Variants in TUBA1C observed in about 807,000 individuals in gnomAD.
TUBA1C encodes the protein tubulin alpha-1C chain.
Under a neutral mutation model 34.9 loss-of-function variants are expected in TUBA1C, and 16 were observed. That is an observed-to-expected ratio of 0.46 (90% CI 0.31 to 0.70). The LOEUF (loss-of-function observed/expected upper bound fraction) is 0.70. Ranked by LOEUF, TUBA1C falls within the 30% of genes least tolerant of loss-of-function variation. The pLI, the probability that TUBA1C is intolerant of heterozygous loss-of-function variation, is 0.05. For synonymous variants in TUBA1C, 177 were observed against 215.9 expected (o/e 0.82, Z 1.58); for missense variants, 329 against 587.3 (o/e 0.56, Z 4.55).
chr12:49,272,101 T>G, intron 3 of TUBA1C, 152 bp from the exon 4 acceptor site: 1 of 1,365,926 alleles, frequency 7.3e-7, no homozygotes. Context: ...AAGTGTTGAT[T>G]ACAGGCGTGA....
In TUBA1C at chr12:49,273,953, G is replaced by A. The variant is rs148363171; in HGVS notation, c.*726G>A. 1.7e-3 allele frequency: 266 copies of A among 153,752 alleles called. No homozygotes were observed. The highest frequency in any genetic ancestry group is 0.014 in the Middle Eastern group (4 of 296). The allele number at this position is 153,752 out of a possible 1,614,324, so 9.5% of individuals were successfully genotyped here. A position where few individuals can be genotyped will look rare whatever the true frequency, so the allele number is the denominator to read the frequency against. ...AAAACAAAAATTTGCATGCTGTGAT[G>A]GCACCTGCCTATAGGTGGGAGGACC... On this transcript the variant is annotated 3_prime_UTR_variant, in exon 4 of 4. Transcript: ENST00000301072.
chr12:49,228,944 G>A (rs56906480), intron 1 of TUBA1C, among the ~76,000 whole-genome samples: 12,104 of 152,254 alleles, frequency 0.079, 553 homozygotes, highest in African/African-American at 0.12. Flanking sequence ...GAGAAAGGCA[G>A]TCGGGCCTTG....
Position 49,273,534 on chromosome 12 carries a change from G to A in TUBA1C, c.*307G>A. 2.3e-6 allele frequency: 1 copy of A among 427,116 alleles called. No homozygotes were observed. The allele number at this position is 427,116 out of a possible 1,614,324, so 26.5% of individuals were successfully genotyped here. A position where few individuals can be genotyped will look rare whatever the true frequency, so the allele number is the denominator to read the frequency against. Reference sequence around the variant, plus strand: ...CCTCCTAAGTAGCTGGGGACTGCAGGTGCACACCACCATGCCCAGCTATTT... The same window carrying A: ...CCTCCTAAGTAGCTGGGGACTGCAGATGCACACCACCATGCCCAGCTATTT... On this transcript the variant is annotated 3_prime_UTR_variant, in exon 4 of 4. Coordinates refer to ENST00000301072, the MANE Select transcript of TUBA1C (RefSeq NM_032704.5).
chr12:49,228,785 A>C (rs1942465086), intron 1 of TUBA1C, among the ~76,000 whole-genome samples: 2 of 152,202 alleles, frequency 1.3e-5, no homozygotes, highest in Non-Finnish European at 2.9e-5. Context: ...CACAATCTGC[A>C]ATTTACAAGT....
At position 49,265,167 on chromosome 12, in the gene TUBA1C, C is replaced by T. The variant is rs372155310; in HGVS notation, c.-15C>T. 1.2e-6 allele frequency: 2 copies of T among 1,603,756 alleles called. No individual in the cohort carries two copies. The highest frequency in any genetic ancestry group is 1.7e-6 in the Non-Finnish European group (2 of 1,173,066). ...TCGCCTCCTTCACCGCCGCAGACCC[C>T]TTCAAGTTCTAGTCATGGTGAGTGG... On this transcript the variant is annotated 5_prime_UTR_variant, in exon 1 of 4. Coordinates refer to ENST00000301072, the MANE Select transcript of TUBA1C (RefSeq NM_032704.5).
intron 1 of TUBA1C, among the ~76,000 whole-genome samples, chr12:49,240,900 A>G (rs1271234863): frequency 6.6e-6 from 1 of 151,250 alleles, no homozygotes; most frequent in Non-Finnish European, 1.5e-5. Flanking sequence ...CCAGCCCATC[A>G]TAGCTCTTTT....
At position 49,265,093 on chromosome 12, in the gene TUBA1C, C is replaced by T. The variant is rs953786929; in HGVS notation, c.-89C>T. On this transcript the variant is annotated 5_prime_UTR_variant, in exon 1 of 4. Coordinates refer to ENST00000301072, the MANE Select transcript of TUBA1C (RefSeq NM_032704.5). ...CCGGCCACCCTTTCACTACTTCTCC[C>T]CCGGACTCCTTGGTAGTCTGTTAGT... is the stretch of plus-strand genomic sequence containing the variant. The T allele has an allele frequency of 4.7e-6, 7 of 1,493,172 alleles. No individual in the cohort carries two copies. Among genetic ancestry groups the T allele is most frequent in the Admixed American group, 1.9e-5 (1 of 52,608 alleles). 92.5% of individuals were successfully genotyped at this position (1,493,172 alleles called of 1,614,324 possible).
intron 1 of TUBA1C, among the ~76,000 whole-genome samples, chr12:49,268,766 G>A (rs189654338): frequency 1.9e-3 from 284 of 152,286 alleles, no homozygotes; most frequent in Non-Finnish European, 3.3e-3. Context: ...GCTGGTTTAA[G>A]CTGGTTTTAA....
chr12:49,228,098 C>T lies in TUBA1C; in HGVS notation c.145C>T (p.Gln49Ter). Residue 49 changes from glutamine to a stop codon, truncating the protein, a stop_gained, in exon 1 of 4, where the codon CAG (glutamine) becomes TAG (stop). Coordinates refer to the TUBA1C transcript ENST00000541364. LOFTEE classifies it high-confidence loss of function. Reference sequence around the variant, plus strand: ...TCTTATTTACTTCACCAGGACTCTTCAGCTCCCTGCGCCTTTTAACACATG... The same window carrying T: ...TCTTATTTACTTCACCAGGACTCTTTAGCTCCCTGCGCCTTTTAACACATG... 2 of 1,535,720 alleles carry T rather than the reference C, an allele frequency of 1.3e-6. No homozygotes were observed. The highest frequency in any genetic ancestry group is 1.7e-6 in the Non-Finnish European group (2 of 1,146,918).
chr12:49,262,464 G>A (rs1338724560), upstream of TUBA1C, among the ~76,000 whole-genome samples: 2 of 139,324 alleles, frequency 1.4e-5, no homozygotes, highest in East Asian at 2.4e-4. Flanking sequence ...TCACTGAACC[G>A]TGTCTTCTGT....
exon 1 of TUBA1C, chr12:49,228,105 C>T: frequency 6.5e-7 from 1 of 1,535,686 alleles, no homozygotes; most frequent in Non-Finnish European, 8.7e-7. Context: ...CTTCAGCTCC[C>T]TGCGCCTTTT....
At chr12:49,270,267 T>C in intron 3 of TUBA1C, 1 of 525,942 alleles carries the variant, frequency 1.9e-6, no homozygotes, top group Non-Finnish European at 3.4e-6. Context: ...ATGTAACTAA[T>C]TGATCAGAGT....
At chr12:49,229,233 G>A (rs1344739877) in intron 1 of TUBA1C, among the ~76,000 whole-genome samples, 1 of 152,166 alleles carries the variant, frequency 6.6e-6, no homozygotes, top group Non-Finnish European at 1.5e-5. Context: ...GAGTGCAGTG[G>A]CATAATCTCG....
chr12:49,236,280 A>G (rs1942554454), intron 1 of TUBA1C, among the ~76,000 whole-genome samples: 1 of 152,216 alleles, frequency 6.6e-6, no homozygotes, highest in South Asian at 2.1e-4. Flanking sequence ...ATTCCCCGGT[A>G]TTGCACTTTG....
At chr12:49,262,849 T>C (rs1266632133), upstream of TUBA1C, among the ~76,000 whole-genome samples, 1 of 152,070 alleles carries the variant, frequency 6.6e-6, no homozygotes, top group Non-Finnish European at 1.5e-5. Context: ...GTAAGTCCAG[T>C]TTCTGCCTCT....
chr12:49,228,764 G>A (rs1333078619), intron 1 of TUBA1C, among the ~76,000 whole-genome samples: 1 of 152,198 alleles, frequency 6.6e-6, no homozygotes. Flanking sequence ...TGGGAAGAGA[G>A]TAGGCGCTAA....
intron 1 of TUBA1C, among the ~76,000 whole-genome samples, chr12:49,248,826 C>G (rs1942702883): frequency 6.8e-6 from 1 of 147,370 alleles, no homozygotes; most frequent in African/African-American, 2.5e-5. Context: ...CAAGATCGCG[C>G]CACTGCACTC....
At chr12:49,270,044 AATC>A in intron 3 of TUBA1C, 68 bp downstream of exon 3, 1 of 1,613,918 alleles carries the variant, frequency 6.2e-7, no homozygotes. Context: ...AAACTACAGA[AATC>A]ATTCTTTGCA....
chr12:49,254,280 T>C (rs1565644255), intron 1 of TUBA1C, among the ~76,000 whole-genome samples: 1 of 151,382 alleles, frequency 6.6e-6, no homozygotes, highest in Non-Finnish European at 1.5e-5. Context: ...CATTGCACTC[T>C]AGCCTGGGCA....
Sources: gnomAD v4.1 joint callset for allele counts (sites outside exome capture counted in the v4.1 genomes callset) on GRCh38, gnomAD v4.1.1 for gene constraint, MANE v1.5 for transcripts, NCBI Gene and HGNC (gene_info 2026-07-23, HGNC 2026-07-21) for gene names.